Variants in TRPV6 observed in about 807,000 individuals in gnomAD.
The protein encoded by TRPV6 is Alu-binding protein with zinc finger domain.
In TRPV6, 39 loss-of-function variants were observed where a neutral mutation model predicts 79.0. That is an observed-to-expected ratio of 0.49 (90% CI 0.38 to 0.64). The LOEUF is 0.64. Ranked by LOEUF, TRPV6 falls within the 30% of genes least tolerant of loss-of-function variation. The probability of loss-of-function intolerance (pLI) is 0.00; values close to 1 mark genes in which losing one functional copy is unlikely to be tolerated. For synonymous variants in TRPV6, 373 were observed against 391.9 expected (o/e 0.95, Z 0.57); for missense variants, 813 against 1,011.1 (o/e 0.80, Z 2.66).
rs372746423 is a variant in TRPV6 at position 142,873,432 on chromosome 7, C to A, written c.1908+16G>T. 6.2e-7 allele frequency: 1 copy of A among 1,611,840 alleles called. No individual in the cohort carries two copies. Among genetic ancestry groups the A allele is most frequent in the Non-Finnish European group, 8.5e-7 (1 of 1,178,478 alleles). ...GGATGACTTGCCCTAACCCTCCCTG[C>A]CACCAGGGGGCTCACCTGGGCCCTC... On this transcript the variant is annotated intron_variant, in intron 13 of 14. Transcript: ENST00000359396. The surrounding 1 kb of genome is among the most constrained non-coding windows in gnomAD (Gnocchi z 4.8).
In TRPV6 at chr7:142,877,755, G is replaced by A. The variant is rs375523215; in HGVS notation, c.365C>T (p.Ala122Val). 38 of 1,614,040 alleles carry A rather than the reference G, an allele frequency of 2.4e-5. No individual in the cohort carries two copies. Among genetic ancestry groups the A allele is most frequent in the Admixed American group, 5.0e-5 (3 of 60,000 alleles). Residue 122 changes from alanine (A) to valine (V), a missense_variant, in exon 3 of 15, where the codon GCG (alanine) becomes GTG (valine). By Grantham distance (64) the Ala-to-Val change is moderately conservative. Coordinates refer to ENST00000359396, the MANE Select transcript of TRPV6 (RefSeq NM_018646.6). ...GTCATAGAGGGCTGCTATGTGTAGCGCTGTTTCCCCCATGGCTCCTGGCAT... is the reference window on the plus strand; with the variant it reads ...GTCATAGAGGGCTGCTATGTGTAGCACTGTTTCCCCCATGGCTCCTGGCAT...
chr7:142,872,458 C>T lies in TRPV6; in HGVS notation c.1929G>A (p.Met643Ile). 2 of 1,613,992 alleles carry T rather than the reference C, an allele frequency of 1.2e-6. No individual in the cohort carries two copies. Among genetic ancestry groups the T allele is most frequent in the Non-Finnish European group, 8.5e-7 (1 of 1,179,936 alleles). ...GGCAGCGAGGCAGCTTCCGCTCCAG[C>T]ATCACTGTGGTGGCCACAATCTGCG... Residue 643 changes from methionine to isoleucine, a missense_variant, in exon 14 of 15, where the codon ATG becomes ATA. Met to Ile is a conservative substitution (Grantham distance 10). Transcript: ENST00000359396.
At position 142,875,915 on chromosome 7, in the gene TRPV6, GT is replaced by G; in HGVS notation, c.883-12del. On this transcript the variant is annotated splice_polypyrimidine_tract_variant and intron_variant, in intron 6 of 14. Coordinates refer to ENST00000359396, the MANE Select transcript of TRPV6 (RefSeq NM_018646.6). ...CAGGTGCTGAAACATCTAAGGGAAA[GT>G]GAAGATGACTCAGGAGCAGTAAGCA... 2 of 1,565,592 alleles carry G rather than the reference GT, an allele frequency of 1.3e-6. No homozygotes were observed. The highest frequency in any genetic ancestry group is 1.2e-5 in the South Asian group (1 of 82,434).
At chr7:142,874,458 C>A in intron 11 of TRPV6, 33 bp downstream of exon 11, 1 of 1,612,178 alleles carries the variant, frequency 6.2e-7, no homozygotes, top group Non-Finnish European at 8.5e-7. Context: ...GGCTCTGGGG[C>A]CTTTCTCTAG....
At position 142,875,562 on chromosome 7, in the gene TRPV6, A is replaced by C; in HGVS notation, c.1148T>G (p.Phe383Cys). ...GGGGCGGTAGATGCAGCACATGGTGAAGCAGATGATGTACAGCAGATATAT... is the reference window on the plus strand; with the variant it reads ...GGGGCGGTAGATGCAGCACATGGTGCAGCAGATGATGTACAGCAGATATAT... Residue 383 changes from phenylalanine to cysteine, a missense_variant, in exon 8 of 15, where the codon TTC (phenylalanine) becomes TGC (cysteine). Phe to Cys is a radical substitution (Grantham distance 205, BLOSUM62 -2). This residue lies in a region of TRPV6 where 555 missense variants were observed against 631.0 expected (regional missense o/e 0.88). Coordinates refer to ENST00000359396, the MANE Select transcript of TRPV6 (RefSeq NM_018646.6). 1 of 1,613,344 alleles carries C rather than the reference A, an allele frequency of 6.2e-7. No homozygotes were observed. Among genetic ancestry groups the C allele is most frequent in the Non-Finnish European group, 8.5e-7 (1 of 1,179,942 alleles).
chr7:142,885,357 G>A, intron 1 of TRPV6, 32 bp downstream of exon 1: 1 of 1,590,176 alleles, frequency 6.3e-7, no homozygotes, highest in South Asian at 1.1e-5. Context: ...GCCTGGGGAG[G>A]TGGGGAAGGG....
At chr7:142,876,995 G>A in intron 4 of TRPV6, 147 bp downstream of exon 4, 6 of 1,433,664 alleles carry the variant, frequency 4.2e-6, no homozygotes, top group Non-Finnish European at 5.6e-6. Flanking sequence ...GGGTAAATTG[G>A]CCTCTAGTCT....
Position 142,875,646 on chromosome 7 carries a change from T to C in TRPV6, c.1064A>G (p.Glu355Gly). The C allele has an allele frequency of 6.2e-7, 1 of 1,613,712 alleles. No individual in the cohort carries two copies. The highest frequency in any genetic ancestry group is 1.1e-5 in the South Asian group (1 of 91,038). The change falls in exon 8 of 15, where the codon GAG becomes GGG. Residue 355 changes from glutamate (E) to glycine (G), a missense_variant. Physicochemically the swap from Glu to Gly is moderately conservative, Grantham distance 98. Coordinates refer to ENST00000359396, the MANE Select transcript of TRPV6 (RefSeq NM_018646.6). ...CCGCTTCCACTTGAGGCTCACCAGC[T>C]CCTTCACCGGCGTCTGGTCCAGGAT...
At chr7:142,875,008 A>C (rs750838412) in intron 9 of TRPV6, 28 bp from the exon 10 acceptor site, 7 of 1,613,850 alleles carry the variant, frequency 4.3e-6, no homozygotes. Flanking sequence ...ACACAAAGGC[A>C]CTCAGATACC....
In TRPV6 at chr7:142,874,787, A is replaced by T. The variant is rs1795019284; in HGVS notation, c.1406+117T>A. 9 of 1,550,052 alleles carry T rather than the reference A, an allele frequency of 5.8e-6. No homozygotes were observed. The Admixed American group carries it at 1.5e-4, about 26-fold the overall frequency. On this transcript the variant is annotated intron_variant, in intron 10 of 14. Coordinates refer to ENST00000359396, the MANE Select transcript of TRPV6 (RefSeq NM_018646.6). The stretch of plus-strand genomic sequence containing the variant: ...CCCCACACTCAATGCCCAGGGTCAT[A>T]CACACAGCACTAGAGAGGGGGCTCT...
At chr7:142,877,313 T>G (rs756872810) in intron 3 of TRPV6, 34 bp from the exon 4 acceptor site, 1 of 1,607,592 alleles carries the variant, frequency 6.2e-7, no homozygotes, top group South Asian at 1.1e-5. Flanking sequence ...CACGGGTCTG[T>G]CCCCAGGATC....
In TRPV6 at chr7:142,871,924, C is replaced by T. The variant is rs753582841; in HGVS notation, c.2081G>A (p.Arg694Gln). The change falls in exon 15 of 15, where the codon CGG (arginine) becomes CAG (glutamine). Residue 694 changes from arginine (R) to glutamine (Q), a missense_variant. This residue lies in a region of TRPV6 where 164 missense variants were observed against 186.1 expected (regional missense o/e 0.88). Coordinates refer to ENST00000359396, the MANE Select transcript of TRPV6 (RefSeq NM_018646.6). ...GTCTTTGTCCAAATCCTCAGAGCCC[C>T]GGGTGTGGAAGGCCTGTGCGTAGCG... 28 of 1,613,926 alleles carry T rather than the reference C, an allele frequency of 1.7e-5. No homozygotes were observed. The highest frequency in any genetic ancestry group is 2.3e-5 in the Non-Finnish European group (27 of 1,179,930).
intron 4 of TRPV6, 59 bp downstream of exon 4, chr7:142,877,083 C>T (rs1229191412): frequency 6.4e-7 from 1 of 1,559,526 alleles, no homozygotes; most frequent in Non-Finnish European, 8.7e-7. Context: ...CTGCCTGGCC[C>T]TGCCCTGCCT....
intron 3 of TRPV6, 70 bp from the exon 4 acceptor site, chr7:142,877,349 C>T: frequency 1.3e-6 from 2 of 1,585,662 alleles, no homozygotes; most frequent in South Asian, 2.3e-5. Context: ...CCCATATGCA[C>T]CCCAGTCTCT....
chr7:142,873,787 T>A lies in TRPV6; in HGVS notation c.1640-71A>T. 6.3e-7 allele frequency: 1 copy of A among 1,590,086 alleles called. No individual in the cohort carries two copies. Among genetic ancestry groups the A allele is most frequent in the South Asian group, 1.1e-5 (1 of 89,272 alleles). ...CGACCAGCCCACCCCGGGCTCTGCG[T>A]GCATGTCCATCCTGGTCCCTTCATC... On this transcript the variant is annotated intron_variant, in intron 12 of 14. Coordinates refer to ENST00000359396, the MANE Select transcript of TRPV6 (RefSeq NM_018646.6). This position sits in a 1 kb window ranked among gnomAD's most constrained non-coding sequence, Gnocchi z 4.8.
At position 142,873,507 on chromosome 7, in the gene TRPV6, T is replaced by C. The variant is rs1794988761; in HGVS notation, c.1849A>G (p.Met617Val). Residue 617 changes from methionine to valine, a missense_variant, in exon 13 of 15, where the codon ATG becomes GTG. Met to Val is a conservative substitution (Grantham distance 21). Transcript: ENST00000359396. The surrounding 1 kb of genome is among the most constrained non-coding windows in gnomAD (Gnocchi z 4.8). ...ACTCGCCAGTGAGTGTCGCCCATCA[T>C]GGCAATGAGGAGGTTGAGCATGAGC... 6.2e-7 allele frequency: 1 copy of C among 1,614,172 alleles called. No individual in the cohort carries two copies. Among genetic ancestry groups the C allele is most frequent in the Non-Finnish European group, 8.5e-7 (1 of 1,180,030 alleles).
At chr7:142,878,911 A>T (rs1334639723) in intron 1 of TRPV6, 1 of 152,210 alleles carries the variant, frequency 6.6e-6, no homozygotes, top group Admixed American at 6.5e-5. Flanking sequence ...GGCATATGAA[A>T]GTTGGAGAAG....
chr7:142,875,660 C>T lies in TRPV6; in HGVS notation c.1050G>A (p.Gln350=), dbSNP rs770541765. ...GGCTCACCAGCTCCTTCACCGGCGT[C>T]TGGTCCAGGATCTGGCGAGCCTGCA... is the stretch of plus-strand genomic sequence containing the variant. The change falls in exon 8 of 15, where the codon CAG becomes CAA. Residue 350 remains glutamine, a synonymous_variant. Transcript: ENST00000359396. 1.3e-5 allele frequency: 21 copies of T among 1,613,396 alleles called. No homozygotes were observed. The highest frequency in any genetic ancestry group is 1.4e-5 in the Non-Finnish European group (17 of 1,179,794).
At chr7:142,881,218 G>A (rs1013877123) in intron 1 of TRPV6, 1 of 152,118 alleles carries the variant, frequency 6.6e-6, no homozygotes, top group Non-Finnish European at 1.5e-5. Context: ...CCTGTGCTTG[G>A]GGGACAAATA....
Sources: allele counts gnomAD v4.1 joint callset, GRCh38; gene constraint gnomAD v4.1.1; regional missense constraint gnomAD v4.1.1; non-coding constraint Gnocchi (gnomAD v3.1); transcripts MANE v1.5; gene names NCBI Gene and HGNC (gene_info 2026-07-23, HGNC 2026-07-21).